The following LIPG variants were observed in gnomAD, a reference collection of about 807,000 sequenced individuals.
The protein encoded by LIPG is endothelial lipase.
Under a neutral mutation model 51.8 loss-of-function variants are expected in LIPG, and 34 were observed. The ratio of observed to expected loss-of-function variants is 0.66; its 90% confidence interval spans 0.50 to 0.87. The LOEUF is 0.87. LIPG is among the 40% of genes least tolerant of loss of function. The pLI, the probability that LIPG is intolerant of heterozygous loss-of-function variation, is 0.00. For synonymous variants in LIPG, 246 were observed against 246.1 expected, an observed-to-expected ratio of 1.00 and a Z score of 0.00; for missense variants, 580 against 652.7, an observed-to-expected ratio of 0.89 and a Z score of 1.21.
chr18:49,588,540 T>A (rs951537304), intron 9 of LIPG, among the ~76,000 whole-genome samples: 6 of 152,190 alleles, frequency 3.9e-5, no homozygotes, highest in Admixed American at 1.3e-4. Flanking sequence ...TCTCAAGTGA[T>A]CTGCCCACCT....
At chr18:49,576,090 G>C (rs965878074) in intron 5 of LIPG, among the ~76,000 whole-genome samples, 1 of 151,846 alleles carries the variant, frequency 6.6e-6, no homozygotes, top group African/African-American at 2.4e-5. Context: ...CACCTGCCTC[G>C]GCCTCCCAAA....
chr18:49,569,041 G>A (rs1290677882), intron 3 of LIPG, among the ~76,000 whole-genome samples: 1 of 152,168 alleles, frequency 6.6e-6, no homozygotes, highest in Non-Finnish European at 1.5e-5. Flanking sequence ...TAGAGGGCAG[G>A]CAGAGGGCAT....
intron 4 of LIPG, among the ~76,000 whole-genome samples, chr18:49,570,447 C>G (rs956771386): frequency 2.0e-5 from 3 of 152,144 alleles, no homozygotes; most frequent in African/African-American, 7.2e-5. Context: ...AAAATTACCC[C>G]TAGCTTCCCC....
At chr18:49,583,884 A>T in intron 8 of LIPG, 110 bp downstream of exon 8, 1 of 1,007,778 alleles carries the variant, frequency 9.9e-7, no homozygotes, top group Non-Finnish European at 1.5e-6. Context: ...TCCCTCCAGC[A>T]TGCAGGTAAA....
rs1364487529 is a variant in LIPG, at chr18:49,596,669, A to G, written c.*6147A>G. The G allele has an allele frequency of 6.6e-6, 1 of 150,724 alleles. No individual in the cohort carries two copies. Among genetic ancestry groups the G allele is most frequent in the Non-Finnish European group, 1.5e-5 (1 of 67,716 alleles). 9.3% of individuals were successfully genotyped at this position (150,724 alleles called of 1,614,324 possible). A position where few individuals can be genotyped will look rare whatever the true frequency, so the allele number is the denominator to read the frequency against. ...AAAAAAAAAAAAAAAGGCCACAGAA[A>G]TGTCCATCCAGCAGGTGGACAATTA... On this transcript the variant is annotated 3_prime_UTR_variant, in exon 10 of 10. Coordinates refer to ENST00000261292, the MANE Select transcript of LIPG (RefSeq NM_006033.4).
chr18:49,577,580 C>T (rs2084733569), intron 5 of LIPG, among the ~76,000 whole-genome samples: 1 of 149,356 alleles, frequency 6.7e-6, no homozygotes, highest in African/African-American at 2.5e-5. Context: ...CTCCTCACTT[C>T]CCAGTAGGGG....
In LIPG at chr18:49,582,422, C is replaced by A. The variant is rs2084829664; in HGVS notation, c.1097C>A (p.Pro366His). Residue 366 changes from proline (P) to histidine (H), a missense_variant, in exon 7 of 10, where the codon CCC becomes CAC. Transcript: ENST00000261292. Reference sequence around the variant, plus strand: ...TACAAGAACATGGGAGAAATTGAGCCCACCTTTTACGTCACCCTTTATGGC... The same window carrying A: ...TACAAGAACATGGGAGAAATTGAGCACACCTTTTACGTCACCCTTTATGGC... ...FSYKNMGEIE[P>H]TFYVTLYGTN... 1 of 1,614,090 alleles carries A rather than the reference C, an allele frequency of 6.2e-7. No individual in the cohort carries two copies. Among genetic ancestry groups the A allele is most frequent in the Non-Finnish European group, 8.5e-7 (1 of 1,179,972 alleles).
intron 8 of LIPG, among the ~76,000 whole-genome samples, chr18:49,584,850 C>T (rs907477369): frequency 6.6e-6 from 1 of 152,132 alleles, no homozygotes; most frequent in East Asian, 1.9e-4. Flanking sequence ...AGAAAATAAA[C>T]ACCTATTAAA....
At chr18:49,569,007 T>A (rs979339762) in intron 3 of LIPG, among the ~76,000 whole-genome samples, 8 of 152,150 alleles carry the variant, frequency 5.3e-5, no homozygotes, top group African/African-American at 1.9e-4. Context: ...TGGCAGCTCC[T>A]GGGGCTGGGT....
intron 5 of LIPG, among the ~76,000 whole-genome samples, chr18:49,578,069 G>T (rs1399877880): frequency 0.011 from 1,585 of 145,860 alleles, 6 homozygotes; most frequent in African/African-American, 0.039. Context: ...CGGGCGGGGG[G>T]GCTGGCCCCC....
chr18:49,590,207 G>GTA (rs2084926497), intron 9 of LIPG: 3 of 492,996 alleles, frequency 6.1e-6, no homozygotes, highest in African/African-American at 2.0e-5. Context: ...GTGTGTGTGT[G>GTA]TATGTTGTGG....
At position 49,581,414 on chromosome 18, in the gene LIPG, G is replaced by C. The variant is rs746455531; in HGVS notation, c.794-1G>C. ...ATGCTTTTTATCTCTCCCACCCCCA[G>C]CAATCACAGAGGTGGTAAAATGTGA... On this transcript the variant is annotated splice_acceptor_variant, in intron 5 of 9. Coordinates refer to ENST00000261292, the MANE Select transcript of LIPG (RefSeq NM_006033.4). LOFTEE classifies it high-confidence loss of function. The C allele has an allele frequency of 6.2e-7, 1 of 1,614,086 alleles. No individual in the cohort carries two copies. The highest frequency in any genetic ancestry group is 1.3e-5 in the African/African-American group (1 of 74,914).
rs777826042 is a variant in LIPG, at chr18:49,562,365, G to T, written c.57G>T (p.Ala19=). 14 of 1,613,874 alleles carry T rather than the reference G, an allele frequency of 8.7e-6. No individual in the cohort carries two copies. The highest frequency in any genetic ancestry group is 1.7e-5 in the Admixed American group (1 of 60,026). ...CFWSLCYCFA[A]GSPVPFGPEG... is the part of the protein sequence containing the mutation. ...GGAGCCTCTGCTATTGCTTTGCTGC[G>T]GGGAGCCCCGTACCTTTTGGTCCAG... is the stretch of plus-strand genomic sequence containing the variant. Residue 19 remains alanine (A), a synonymous_variant, in exon 1 of 10, where the codon GCG becomes GCT. Coordinates refer to ENST00000261292, the MANE Select transcript of LIPG (RefSeq NM_006033.4).
Position 49,582,417 on chromosome 18 carries a change from T to C in LIPG, c.1092T>C (p.Ile364=). 6.2e-7 allele frequency: 1 copy of C among 1,614,184 alleles called. No individual in the cohort carries two copies. Among genetic ancestry groups the C allele is most frequent in the Middle Eastern group, 1.6e-4 (1 of 6,062 alleles). The change falls in exon 7 of 10, where the codon ATT becomes ATC. Residue 364 remains isoleucine, a synonymous_variant. Transcript: ENST00000261292. ...HVFSYKNMGE[I]EPTFYVTLYG... is the part of the protein sequence containing the mutation. ...TCAGTTACAAGAACATGGGAGAAAT[T>C]GAGCCCACCTTTTACGTCACCCTTT...
chr18:49,585,559 G>C (rs1256411613), intron 8 of LIPG, among the ~76,000 whole-genome samples: 1 of 152,148 alleles, frequency 6.6e-6, no homozygotes, highest in Non-Finnish European at 1.5e-5. Context: ...AAATAGTTTT[G>C]CCATTGTTCT....
chr18:49,577,975 A>T (rs1600556040), intron 5 of LIPG, among the ~76,000 whole-genome samples: 1 of 104,768 alleles, frequency 9.5e-6, no homozygotes. Context: ...CAGGGGGCTG[A>T]CCCCCCCACC....
intron 3 of LIPG, 107 bp downstream of exon 3, chr18:49,567,728 T>C: frequency 1.8e-6 from 2 of 1,139,974 alleles, no homozygotes; most frequent in East Asian, 2.5e-5. Context: ...TGGAGTCTGA[T>C]AAAAATCTTT....
At chr18:49,571,640 G>A (rs776835386) in intron 4 of LIPG, among the ~76,000 whole-genome samples, 4 of 152,154 alleles carry the variant, frequency 2.6e-5, no homozygotes, top group African/African-American at 4.8e-5. Flanking sequence ...GGGAGGCTGC[G>A]TCCTCTCCTT....
At chr18:49,586,707 A>G (rs923685580) in intron 8 of LIPG, 39 bp from the exon 9 acceptor site, 1 of 1,444,216 alleles carries the variant, frequency 6.9e-7, no homozygotes. Context: ...GATTCCCCCT[A>G]AAGTTCTGCC....
Sources: allele counts gnomAD v4.1 joint callset (sites outside exome capture counted in the v4.1 genomes callset), GRCh38; gene constraint gnomAD v4.1.1; transcripts MANE v1.5; gene names NCBI Gene and HGNC (gene_info 2026-07-23, HGNC 2026-07-21).